The following KCNK2 variants were observed in gnomAD, a reference collection of about 807,000 sequenced individuals.
KCNK2 encodes potassium channel subfamily K member 2.
KCNK2 carries 21 observed loss-of-function variants against 40.5 expected under a neutral mutation model. The ratio of observed to expected loss-of-function variants is 0.52; its 90% CI spans 0.37 to 0.75. The LOEUF (loss-of-function observed/expected upper bound fraction) is 0.75, where lower values mean the gene tolerates loss of function less well. Ranked by LOEUF, KCNK2 falls within the 30% of genes least tolerant of loss-of-function variation. KCNK2 has a pLI of 0.00. For missense variants in KCNK2, 399 were observed against 531.6 expected, an observed-to-expected ratio of 0.75 and a Z score of 2.45; for synonymous variants, 191 against 202.2, an observed-to-expected ratio of 0.94 and a Z score of 0.47.
At chr1:215,112,861 G>A (rs549669023) in intron 2 of KCNK2, among the ~76,000 whole-genome samples, 81 of 152,230 alleles carry the variant, frequency 5.3e-4, no homozygotes, top group South Asian at 3.9e-3. Flanking sequence ...GTTTGTGGAA[G>A]TACTCTCTAT....
At chr1:215,019,803 A>G (rs1282477450) in intron 1 of KCNK2, among the ~76,000 whole-genome samples, 2 of 152,182 alleles carry the variant, frequency 1.3e-5, no homozygotes, top group Non-Finnish European at 2.9e-5. Flanking sequence ...CTCCGTGAAG[A>G]AACATTCTAG....
intron 5 of KCNK2, among the ~76,000 whole-genome samples, chr1:215,194,578 A>G (rs1036692740): frequency 1.3e-5 from 2 of 152,168 alleles, no homozygotes; most frequent in African/African-American, 4.8e-5. Context: ...ATGCACACCA[A>G]TAAAAGTGTA....
intron 1 of KCNK2, chr1:215,083,747 G>T: frequency 2.2e-6 from 1 of 462,650 alleles, no homozygotes; most frequent in Admixed American, 3.6e-5. Flanking sequence ...CAGGACTCAT[G>T]GTGACCCCGG....
intron 1 of KCNK2, 38 bp downstream of exon 1, chr1:215,083,469 G>T: frequency 6.8e-7 from 1 of 1,463,172 alleles, no homozygotes; most frequent in Non-Finnish European, 9.6e-7. Context: ...CCCTCTGGCC[G>T]CACGCTCTCC....
intron 1 of KCNK2, among the ~76,000 whole-genome samples, chr1:215,060,020 T>C (rs1658314871): frequency 6.6e-6 from 1 of 151,906 alleles, no homozygotes; most frequent in African/African-American, 2.4e-5. Context: ...GGACATGGAG[T>C]GTCCAGGTTG....
intron 6 of KCNK2, among the ~76,000 whole-genome samples, chr1:215,218,178 A>G (rs1571743532): frequency 6.6e-6 from 1 of 152,160 alleles, no homozygotes; most frequent in East Asian, 1.9e-4. Flanking sequence ...ATAGAGTAAA[A>G]CAGCTGGAAT....
chr1:215,012,646 G>GTTT (rs34028242), intron 1 of KCNK2, among the ~76,000 whole-genome samples: 5 of 121,758 alleles, frequency 4.1e-5, no homozygotes, highest in East Asian at 2.4e-4. Context: ...TAATTTTTTA[G>GTTT]TTTTTTTTTT....
chr1:215,017,258 A>C (rs1656625458), intron 1 of KCNK2, among the ~76,000 whole-genome samples: 1 of 152,142 alleles, frequency 6.6e-6, no homozygotes, highest in South Asian at 2.1e-4. Flanking sequence ...CCAAAGAAAG[A>C]AAATCATTTT....
chr1:215,135,236 C>T (rs1373015177), intron 3 of KCNK2, among the ~76,000 whole-genome samples: 7 of 152,004 alleles, frequency 4.6e-5, no homozygotes, highest in Non-Finnish European at 7.4e-5. Flanking sequence ...AACTTAGGTT[C>T]AGGGTTTTGT....
At chr1:215,200,885 G>A (rs1665054903) in intron 6 of KCNK2, among the ~76,000 whole-genome samples, 1 of 152,150 alleles carries the variant, frequency 6.6e-6, no homozygotes, top group South Asian at 2.1e-4. Context: ...CAATGAGATA[G>A]TTTTATTTTG....
chr1:215,008,972 G>A (rs970456877), intron 1 of KCNK2, among the ~76,000 whole-genome samples: 5 of 152,074 alleles, frequency 3.3e-5, no homozygotes, highest in African/African-American at 9.6e-5. Flanking sequence ...TGATTAAGAC[G>A]GTGGAAACAC....
At chr1:215,050,979 G>C (rs1657966645) in intron 1 of KCNK2, among the ~76,000 whole-genome samples, 1 of 152,132 alleles carries the variant, frequency 6.6e-6, no homozygotes, top group Non-Finnish European at 1.5e-5. Flanking sequence ...TGATTTGGGG[G>C]ATGTTTCAAG....
chr1:215,214,135 C>A (rs1665859885), intron 6 of KCNK2, among the ~76,000 whole-genome samples: 1 of 152,138 alleles, frequency 6.6e-6, no homozygotes, highest in African/African-American at 2.4e-5. Flanking sequence ...CAGACTGAGC[C>A]ATTTATAAAG....
chr1:215,014,458 A>T (rs1190347955), intron 1 of KCNK2, among the ~76,000 whole-genome samples: 1 of 151,856 alleles, frequency 6.6e-6, no homozygotes, highest in Non-Finnish European at 1.5e-5. Context: ...GGCTCTCAGA[A>T]TATACTGATG....
chr1:215,144,348 A>G (rs544225330), intron 3 of KCNK2, among the ~76,000 whole-genome samples: 1 of 152,172 alleles, frequency 6.6e-6, no homozygotes, highest in African/African-American at 2.4e-5. Context: ...CATCTAAATG[A>G]CCCAACTTCA....
intron 3 of KCNK2, among the ~76,000 whole-genome samples, chr1:215,142,653 A>T (rs578047551): frequency 6.6e-6 from 1 of 152,120 alleles, no homozygotes; most frequent in Admixed American, 6.6e-5. Context: ...ACTTGATTCA[A>T]TGTGAGCAGG....
At chr1:215,089,915 C>T (rs1223464896) in intron 2 of KCNK2, among the ~76,000 whole-genome samples, 1 of 151,294 alleles carries the variant, frequency 6.6e-6, no homozygotes, top group Non-Finnish European at 1.5e-5. Flanking sequence ...CAACCTCTGC[C>T]TCTTGGGTTC....
At chr1:215,140,194 A>T (rs1473642017) in intron 3 of KCNK2, among the ~76,000 whole-genome samples, 1 of 152,192 alleles carries the variant, frequency 6.6e-6, no homozygotes, top group Non-Finnish European at 1.5e-5. Context: ...TGTCATTTAC[A>T]GTGGCTACTA....
At chr1:215,116,308 T>G (rs1236407738) in intron 2 of KCNK2, among the ~76,000 whole-genome samples, 3 of 152,122 alleles carry the variant, frequency 2.0e-5, no homozygotes, top group Non-Finnish European at 1.5e-5. Flanking sequence ...CAAAATACTG[T>G]TTTAGGAACC....
Sources: gnomAD v4.1 joint callset for allele counts (sites outside exome capture counted in the v4.1 genomes callset) on GRCh38, gnomAD v4.1.1 for gene constraint, MANE v1.5 for transcripts, NCBI Gene and HGNC (gene_info 2026-07-23, HGNC 2026-07-21) for gene names.